PAPPA: variants seen among roughly 807,000 people sequenced by gnomAD.
The protein encoded by PAPPA is pappalysin-1.
In PAPPA, 60 loss-of-function variants were observed where a neutral mutation model predicts 164.0. That is an observed-to-expected ratio of 0.37 (90% CI 0.30 to 0.45). The LOEUF (loss-of-function observed/expected upper bound fraction) is 0.45, where lower values mean the gene tolerates loss of function less well. PAPPA is among the 20% of genes least tolerant of loss of function. The probability of loss-of-function intolerance (pLI) is 1.00; values close to 1 mark genes in which losing one functional copy is unlikely to be tolerated. For missense variants in PAPPA, 1,782 were observed against 2,087.3 expected, an observed-to-expected ratio of 0.85 and a Z score of 2.85; for synonymous variants, 875 against 814.1, an observed-to-expected ratio of 1.07 and a Z score of -1.27.
In PAPPA at chr9:116,154,994, G is replaced by T. The variant is rs1330279727; in HGVS notation, c.415+407G>T. On this transcript the variant is annotated intron_variant, in intron 1 of 21. Transcript: ENST00000328252. The surrounding 1 kb of genome is among the most constrained non-coding windows in gnomAD (Gnocchi z 5.2). The stretch of plus-strand genomic sequence containing the variant: ...CTTGGGGACCGTTGATTTCTTTGAC[G>T]TTTTAATGGAGGTAACTCCCCTTCA... 6.6e-6 allele frequency among the ~76,000 whole-genome samples: 1 copy of T among 152,188 alleles called. No individual in the cohort carries two copies. Among genetic ancestry groups the T allele is most frequent in the African/African-American group, 2.4e-5 (1 of 41,454 alleles).
chr9:116,305,061 A>T (rs768179461), intron 10 of PAPPA, among the ~76,000 whole-genome samples: 2 of 151,652 alleles, frequency 1.3e-5, no homozygotes, highest in Non-Finnish European at 2.9e-5. Flanking sequence ...TCACAAACAC[A>T]CACACACACA....
chr9:116,251,669 T>C (rs1352562673), intron 7 of PAPPA, among the ~76,000 whole-genome samples: 3 of 152,238 alleles, frequency 2.0e-5, no homozygotes, highest in Non-Finnish European at 4.4e-5. Flanking sequence ...CCTTGGTGAC[T>C]GGTCAGCTTG....
At chr9:116,258,911 A>T (rs1844967962) in intron 7 of PAPPA, among the ~76,000 whole-genome samples, 1 of 152,170 alleles carries the variant, frequency 6.6e-6, no homozygotes, top group Admixed American at 6.5e-5. Flanking sequence ...AGGCAGGTGG[A>T]TCACCTGAGG....
chr9:116,259,566 A>G (rs1262286946), intron 7 of PAPPA, among the ~76,000 whole-genome samples: 4 of 152,242 alleles, frequency 2.6e-5, no homozygotes, highest in African/African-American at 9.6e-5. Context: ...GTTAGTAATC[A>G]GGGAAAGGCA....
rs189839488 is a variant in PAPPA, at chr9:116,164,363, G to T, written c.415+9776G>T. 9.2e-5 allele frequency among the ~76,000 whole-genome samples: 14 copies of T among 152,248 alleles called. No homozygotes were observed. In the East Asian group the frequency reaches 2.5e-3, roughly 27 times the overall value. ...TCTCCAAACAAGATAAAGAAAATGT[G>T]TTTGTTTTTTGGTATTATTTGCCAC... is the stretch of plus-strand genomic sequence containing the variant. On this transcript the variant is annotated intron_variant, in intron 1 of 21. Transcript: ENST00000328252.
At chr9:116,333,819 G>A (rs935158935) in intron 12 of PAPPA, among the ~76,000 whole-genome samples, 1 of 152,042 alleles carries the variant, frequency 6.6e-6, no homozygotes, top group African/African-American at 2.4e-5. Flanking sequence ...GAGCTCTTTG[G>A]ATCCTGGTAC....
chr9:116,352,226 G>A (rs1846291679), intron 15 of PAPPA, among the ~76,000 whole-genome samples: 2 of 152,154 alleles, frequency 1.3e-5, no homozygotes, highest in South Asian at 2.1e-4. Context: ...GGGGGAGGTG[G>A]TAGGCAGGAC....
intron 9 of PAPPA, among the ~76,000 whole-genome samples, chr9:116,301,930 C>T (rs1334925583): frequency 2.0e-5 from 3 of 152,174 alleles, no homozygotes; most frequent in African/African-American, 7.2e-5. Flanking sequence ...AGCCAATGTC[C>T]CTTGTAAATC....
At chr9:116,212,336 C>A (rs765767630) in intron 4 of PAPPA, among the ~76,000 whole-genome samples, 4 of 151,890 alleles carry the variant, frequency 2.6e-5, no homozygotes, top group Non-Finnish European at 4.4e-5. Flanking sequence ...TTCCTAACTG[C>A]ATATATCTTA....
chr9:116,207,720 GATTT>G (rs1844254503), intron 3 of PAPPA, 119 bp downstream of exon 3: 5 of 691,780 alleles, frequency 7.2e-6, no homozygotes, highest in South Asian at 7.7e-5. Flanking sequence ...GTGAACAACC[GATTT>G]ATTTATCACT....
intron 7 of PAPPA, among the ~76,000 whole-genome samples, chr9:116,263,390 T>C (rs1048132970): frequency 2.0e-5 from 3 of 152,154 alleles, no homozygotes; most frequent in African/African-American, 7.2e-5. Context: ...GTAGAAAAGA[T>C]ATTTTCATCA....
At chr9:116,314,640 C>T (rs1845764275) in intron 10 of PAPPA, among the ~76,000 whole-genome samples, 1 of 152,192 alleles carries the variant, frequency 6.6e-6, no homozygotes. Context: ...GCTTTACAGA[C>T]TATTGCCTAA....
At chr9:116,244,932 G>A (rs1366362221) in intron 7 of PAPPA, among the ~76,000 whole-genome samples, 1 of 152,104 alleles carries the variant, frequency 6.6e-6, no homozygotes, top group Non-Finnish European at 1.5e-5. Flanking sequence ...ATGGATGATG[G>A]GATAAAGAAA....
intron 9 of PAPPA, among the ~76,000 whole-genome samples, chr9:116,273,151 TG>T (rs1417359148): frequency 6.6e-6 from 1 of 152,174 alleles, no homozygotes. Context: ...GAAAGTAGGA[TG>T]GGGTGAAGGT....
chr9:116,315,512 A>G (rs916051415), intron 10 of PAPPA, among the ~76,000 whole-genome samples: 4 of 152,358 alleles, frequency 2.6e-5, no homozygotes, highest in African/African-American at 9.6e-5. Context: ...AAAAAGTAGG[A>G]AACAGCTTCT....
chr9:116,213,531 A>G (rs1339430947), intron 4 of PAPPA, among the ~76,000 whole-genome samples: 2 of 152,138 alleles, frequency 1.3e-5, no homozygotes, highest in Non-Finnish European at 2.9e-5. Flanking sequence ...CAACACTGCT[A>G]AAGTTCCATT....
intron 6 of PAPPA, among the ~76,000 whole-genome samples, chr9:116,230,093 G>A (rs1478810520): frequency 6.6e-6 from 1 of 152,156 alleles, no homozygotes; most frequent in African/African-American, 2.4e-5. Flanking sequence ...CTGGTTCCCT[G>A]AGCCAATTCG....
intron 9 of PAPPA, among the ~76,000 whole-genome samples, chr9:116,300,260 C>CTTTTG (rs59797817): frequency 0.55 from 83,339 of 150,604 alleles, 25,355 homozygotes; most frequent in Middle Eastern, 0.7. Flanking sequence ...TTCTGTTTTT[C>CTTTTG]TTTTGTTTTG....
intron 1 of PAPPA, among the ~76,000 whole-genome samples, chr9:116,183,284 T>C (rs1327857828): frequency 6.6e-6 from 1 of 152,164 alleles, no homozygotes; most frequent in African/African-American, 2.4e-5. Flanking sequence ...AGGCATCTAA[T>C]TCCAATCAAC....
Sources: allele counts gnomAD v4.1 joint callset (sites outside exome capture counted in the v4.1 genomes callset), GRCh38; gene constraint gnomAD v4.1.1; non-coding constraint Gnocchi (gnomAD v3.1); transcripts MANE v1.5; gene names NCBI Gene and HGNC (gene_info 2026-07-23, HGNC 2026-07-21).